The following PLB1 variants were observed in gnomAD, a reference collection of about 807,000 sequenced individuals.
The protein encoded by PLB1 is phospholipase B1, membrane-associated.
A neutral mutation model predicts 227.4 loss-of-function variants in PLB1; 242 were observed. The ratio of observed to expected loss-of-function variants is 1.06; its 90% CI spans 0.96 to 1.18. The LOEUF (loss-of-function observed/expected upper bound fraction) is 1.18, where lower values mean the gene tolerates loss of function less well. Among genes scored for constraint, PLB1 ranks in the 50% most tolerant of loss-of-function variants. The pLI is 0.00. For missense variants in PLB1, 1,858 were observed against 1,816.3 expected, an observed-to-expected ratio of 1.02 and a Z score of -0.42; for synonymous variants, 757 against 682.2, an observed-to-expected ratio of 1.11 and a Z score of -1.71.
At position 28,621,349 on chromosome 2, in the gene PLB1, C is replaced by T. The variant is rs141595276; in HGVS notation, c.3527+371C>T. 7.2e-5 allele frequency among the ~76,000 whole-genome samples: 11 copies of T among 152,320 alleles called. No individual in the cohort carries two copies. The East Asian group carries it at 2.1e-3, about 29-fold the overall frequency. ...GGCTCCAGCTCCACCTCCTGCCCAG[C>T]AGGTCAAACGTGCAGGGTGGCTCTC... On this transcript the variant is annotated intron_variant, in intron 49 of 57. Transcript: ENST00000327757.
rs766208653 is a variant in PLB1, at chr2:28,540,352, G to GT, written c.699-10dup. 6.2e-7 allele frequency: 1 copy of GT among 1,613,212 alleles called. No individual in the cohort carries two copies. The highest frequency in any genetic ancestry group is 8.5e-7 in the Non-Finnish European group (1 of 1,179,330). Reference sequence around the variant, plus strand: ...GCCTCCCCTCTCTCATTCCTGGTGTGTTTTAACCTGCAGCCCTGCACCAGA... The same window carrying GT: ...GCCTCCCCTCTCTCATTCCTGGTGTGTTTTTAACCTGCAGCCCTGCACCAGA... On this transcript the variant is annotated splice_polypyrimidine_tract_variant and intron_variant, in intron 11 of 57. Coordinates refer to ENST00000327757, the MANE Select transcript of PLB1 (RefSeq NM_153021.5).
Position 28,630,602 on chromosome 2 carries a change from C to T in PLB1, c.3835C>T (p.Leu1279Phe). Residue 1279 changes from leucine (L) to phenylalanine (F), a missense_variant, in exon 54 of 58, where the codon CTC (leucine) becomes TTC (phenylalanine). Transcript: ENST00000327757. ...GTCTCACAGGAACAACTGCACTTGCCTCAGACACTCGCAAAGCTCCCTGGA... is the reference window on the plus strand; with the variant it reads ...GTCTCACAGGAACAACTGCACTTGCTTCAGACACTCGCAAAGCTCCCTGGA... Reference protein sequence around the residue: ...MLAAQNNCTCLRHSQSSLEKQ... With the variant: ...MLAAQNNCTCFRHSQSSLEKQ... 6.2e-7 allele frequency: 1 copy of T among 1,613,748 alleles called. No individual in the cohort carries two copies. The highest frequency in any genetic ancestry group is 8.5e-7 in the Non-Finnish European group (1 of 1,179,816).
At chr2:28,576,923 A>G (rs566659942) in intron 21 of PLB1, among the ~76,000 whole-genome samples, 9 of 152,182 alleles carry the variant, frequency 5.9e-5, no homozygotes, top group African/African-American at 9.7e-5. Flanking sequence ...AGTAGGGCTA[A>G]TAGATAAGAG....
At chr2:28,597,674 C>A (rs1335011834) in intron 33 of PLB1, among the ~76,000 whole-genome samples, 1 of 152,194 alleles carries the variant, frequency 6.6e-6, no homozygotes, top group Admixed American at 6.5e-5. Context: ...TGGACATAGT[C>A]ACATCTACAT....
intron 33 of PLB1, chr2:28,593,975 A>C (rs757643082): frequency 6.6e-6 from 5 of 752,516 alleles, no homozygotes; most frequent in East Asian, 2.5e-5. Flanking sequence ...TGTGCAGAGA[A>C]AGTAAACCAG....
chr2:28,517,215 G>A (rs1423075923), intron 2 of PLB1, among the ~76,000 whole-genome samples: 1 of 152,226 alleles, frequency 6.6e-6, no homozygotes, highest in Non-Finnish European at 1.5e-5. Context: ...TAAGATAAGA[G>A]CTGAGAGTAA....
chr2:28,612,555 C>T lies in PLB1; in HGVS notation c.3130-1476C>T, dbSNP rs537842046. Reference sequence around the variant, plus strand: ...ACAATGCCAGGCAAGAACATGGTTGCGTACATGTGGTCAGGTATGAGACGA... The same window carrying T: ...ACAATGCCAGGCAAGAACATGGTTGTGTACATGTGGTCAGGTATGAGACGA... On this transcript the variant is annotated intron_variant, in intron 43 of 57. Coordinates refer to ENST00000327757, the MANE Select transcript of PLB1 (RefSeq NM_153021.5). 9.2e-5 allele frequency among the ~76,000 whole-genome samples: 14 copies of T among 151,620 alleles called. No individual in the cohort carries two copies. The East Asian group carries it at 9.7e-4, about 10-fold the overall frequency.
rs910024051 is a variant in PLB1 at position 28,531,118 on chromosome 2, A to T, written c.469-990A>T. 5.3e-5 allele frequency among the ~76,000 whole-genome samples: 8 copies of T among 152,354 alleles called. No individual in the cohort carries two copies. The East Asian group carries it at 1.5e-3, about 29-fold the overall frequency. ...CTGGTTACACAAGAAATGCATGTTC[A>T]TAACCGAAAAAATCAGAAAACACAG... is the stretch of plus-strand genomic sequence containing the variant. On this transcript the variant is annotated intron_variant, in intron 8 of 57. Coordinates refer to ENST00000327757, the MANE Select transcript of PLB1 (RefSeq NM_153021.5).
At chr2:28,576,494 C>T (rs1193090501) in intron 21 of PLB1, among the ~76,000 whole-genome samples, 3 of 152,138 alleles carry the variant, frequency 2.0e-5, no homozygotes, top group Non-Finnish European at 4.4e-5. Flanking sequence ...CTTTGGGAGG[C>T]CGAGGTGGGT....
intron 21 of PLB1, among the ~76,000 whole-genome samples, chr2:28,575,149 C>T (rs1678720997): frequency 6.6e-6 from 1 of 152,164 alleles, no homozygotes; most frequent in Non-Finnish European, 1.5e-5. Flanking sequence ...AAAAGTGTTC[C>T]CTTTCACCAT....
chr2:28,639,982 A>C (rs573954501), intron 56 of PLB1, among the ~76,000 whole-genome samples: 1 of 152,298 alleles, frequency 6.6e-6, no homozygotes, highest in African/African-American at 2.4e-5. Flanking sequence ...TGCTCAGTCT[A>C]GTCACCCTAG....
chr2:28,497,821 C>T (rs995916565), intron 1 of PLB1, among the ~76,000 whole-genome samples: 3 of 151,962 alleles, frequency 2.0e-5, no homozygotes, highest in Non-Finnish European at 2.9e-5. Context: ...CAGGTTCAAG[C>T]AATTCCCCTG....
intron 35 of PLB1, among the ~76,000 whole-genome samples, chr2:28,599,274 C>A (rs982645938): frequency 6.6e-6 from 1 of 152,228 alleles, no homozygotes; most frequent in Non-Finnish European, 1.5e-5. Context: ...ACTGCCCAGC[C>A]TCCTGGGGTG....
At position 28,542,404 on chromosome 2, in the gene PLB1, C is replaced by T. The variant is rs549055996; in HGVS notation, c.879+593C>T. Reference sequence around the variant, plus strand: ...CTTCCCCTCCTAGCTCTGGGGTGACCAGCTGTGTGACCTTGGACAAGGTGT... The same window carrying T: ...CTTCCCCTCCTAGCTCTGGGGTGACTAGCTGTGTGACCTTGGACAAGGTGT... On this transcript the variant is annotated intron_variant, in intron 13 of 57. Coordinates refer to ENST00000327757, the MANE Select transcript of PLB1 (RefSeq NM_153021.5). 3.7e-4 allele frequency among the ~76,000 whole-genome samples: 57 copies of T among 152,146 alleles called. 2 individuals carry two copies. In the South Asian group the frequency reaches 9.4e-3, roughly 25 times the overall value.
intron 9 of PLB1, among the ~76,000 whole-genome samples, chr2:28,535,007 A>G (rs911643812): frequency 6.6e-6 from 1 of 152,156 alleles, no homozygotes; most frequent in African/African-American, 2.4e-5. Flanking sequence ...TCATATTTCC[A>G]CCAGTGGCAG....
chr2:28,642,737 A>G (rs1288654244), intron 57 of PLB1, 121 bp from the exon 58 acceptor site: 13 of 857,034 alleles, frequency 1.5e-5, no homozygotes, highest in Admixed American at 2.7e-5. Flanking sequence ...ACAAAAGGGA[A>G]GCTCTGTGAA....
intron 57 of PLB1, 115 bp downstream of exon 57, chr2:28,641,116 C>G (rs1689927729): frequency 2.1e-6 from 2 of 946,438 alleles, no homozygotes; most frequent in South Asian, 1.8e-5. Flanking sequence ...CGGCTTCACT[C>G]ACTGCCGTCT....
chr2:28,617,094 A>G (rs918397773), intron 44 of PLB1, among the ~76,000 whole-genome samples: 5 of 152,210 alleles, frequency 3.3e-5, no homozygotes, highest in Admixed American at 6.5e-5. Flanking sequence ...GTTCTGTATT[A>G]GAGACAAAGA....
chr2:28,576,908 A>G (rs2338545), intron 21 of PLB1, among the ~76,000 whole-genome samples: 55,901 of 152,052 alleles, frequency 0.37, 12,303 homozygotes, highest in African/African-American at 0.59. Context: ...GACTCACATC[A>G]GGCCAGTAGG....
Sources: gnomAD v4.1 joint callset for allele counts (sites outside exome capture counted in the v4.1 genomes callset) on GRCh38, gnomAD v4.1.1 for gene constraint, MANE v1.5 for transcripts, NCBI Gene and HGNC (gene_info 2026-07-23, HGNC 2026-07-21) for gene names.